GAS2: variants seen among roughly 807,000 people sequenced by gnomAD.
GAS2 encodes growth arrest specific 2.
GAS2 carries 20 observed loss-of-function variants against 37.5 expected under a neutral mutation model. The observed-to-expected ratio is 0.53, with a 90% confidence interval of 0.37 to 0.77. The LOEUF is 0.77. Among genes scored for constraint, GAS2 ranks in the 30% least tolerant of loss-of-function variants. GAS2 has a pLI of 0.00. For missense variants in GAS2, 336 were observed against 373.4 expected (o/e 0.90, Z 0.82); for synonymous variants, 144 against 132.2 (o/e 1.09, Z -0.61).
intron 7 of GAS2, among the ~76,000 whole-genome samples, chr11:22,775,272 C>T (rs1385719578): frequency 2.6e-5 from 4 of 152,174 alleles, no homozygotes; most frequent in African/African-American, 9.6e-5. Context: ...GACGAGCATT[C>T]CACCGTTTTG....
chr11:22,647,019 C>A (rs1021635870), intron 1 of GAS2, among the ~76,000 whole-genome samples: 29 of 151,088 alleles, frequency 1.9e-4, no homozygotes, highest in Non-Finnish European at 4.0e-4. Context: ...TGCACTGCAC[C>A]CACTAACTCG....
intron 1 of GAS2, among the ~76,000 whole-genome samples, chr11:22,660,781 A>G (rs1848907489): frequency 6.6e-6 from 1 of 152,226 alleles, no homozygotes; most frequent in Non-Finnish European, 1.5e-5. Context: ...ATCATAGCAG[A>G]ATGGCAATAT....
chr11:22,646,996 T>C (rs561982912), intron 1 of GAS2, among the ~76,000 whole-genome samples: 33 of 151,914 alleles, frequency 2.2e-4, no homozygotes, highest in Admixed American at 1.0e-3. Context: ...TATGTATACA[T>C]GTGCCATGCT....
upstream of GAS2, among the ~76,000 whole-genome samples, chr11:22,665,860 A>G (rs1394752655): frequency 1.3e-5 from 2 of 152,248 alleles, no homozygotes; most frequent in Non-Finnish European, 2.9e-5. Context: ...ACTCATCATT[A>G]TAAAAATGGT....
At chr11:22,780,521 GTC>G (rs1446202060) in intron 7 of GAS2, among the ~76,000 whole-genome samples, 1 of 133,072 alleles carries the variant, frequency 7.5e-6, no homozygotes, top group Admixed American at 8.7e-5. Flanking sequence ...ACCTACCACT[GTC>G]TCTCTTTCTG....
At chr11:22,784,469 C>T (rs79714431) in intron 7 of GAS2, among the ~76,000 whole-genome samples, 3,033 of 152,166 alleles carry the variant, frequency 0.02, 57 homozygotes, top group East Asian at 0.061. Context: ...TATTGGTTGG[C>T]AAGGCATGAA....
chr11:22,768,888 G>A (rs1485090217), intron 7 of GAS2, among the ~76,000 whole-genome samples: 1 of 152,114 alleles, frequency 6.6e-6, no homozygotes, highest in Admixed American at 6.5e-5. Context: ...TAGGCATAAG[G>A]TCTCTAAGAA....
chr11:22,649,749 G>T (rs1848749373), intron 1 of GAS2, among the ~76,000 whole-genome samples: 1 of 151,950 alleles, frequency 6.6e-6, no homozygotes, highest in Non-Finnish European at 1.5e-5. Flanking sequence ...TATTTCTGTG[G>T]GATCGGTGGT....
intron 3 of GAS2, among the ~76,000 whole-genome samples, chr11:22,697,042 G>A (rs1307426276): frequency 6.6e-6 from 1 of 151,866 alleles, no homozygotes; most frequent in Non-Finnish European, 1.5e-5. Context: ...GAATGGTAAT[G>A]CCTAGGTTTT....
chr11:22,683,352 G>A (rs1849787534), intron 2 of GAS2, among the ~76,000 whole-genome samples: 1 of 151,948 alleles, frequency 6.6e-6, no homozygotes, highest in Admixed American at 6.6e-5. Context: ...TGCAACCTCC[G>A]CCTCCCAGGT....
intron 6 of GAS2, among the ~76,000 whole-genome samples, chr11:22,754,932 C>G (rs1275204313): frequency 6.6e-6 from 1 of 152,116 alleles, no homozygotes; most frequent in Non-Finnish European, 1.5e-5. Context: ...TTACGGCTTT[C>G]TGTTTCTTCC....
At chr11:22,664,258 G>C (rs193274630), upstream of GAS2, among the ~76,000 whole-genome samples, 1 of 152,236 alleles carries the variant, frequency 6.6e-6, no homozygotes, top group East Asian at 1.9e-4. Context: ...TTTTCAGAGT[G>C]AGTACTACAT....
intron 7 of GAS2, among the ~76,000 whole-genome samples, chr11:22,765,487 T>TAC (rs142246480): frequency 0.029 from 4,340 of 152,208 alleles, 186 homozygotes; most frequent in African/African-American, 0.098. Context: ...TATAAAGAAA[T>TAC]ACCTGAGATT....
intron 7 of GAS2, among the ~76,000 whole-genome samples, chr11:22,757,641 T>C (rs934882871): frequency 2.0e-5 from 3 of 152,226 alleles, no homozygotes; most frequent in Non-Finnish European, 4.4e-5. Context: ...ATTTATTCTC[T>C]TGATTTTTAT....
chr11:22,784,461 T>A (rs562464489), intron 7 of GAS2, among the ~76,000 whole-genome samples: 1 of 152,270 alleles, frequency 6.6e-6, no homozygotes, highest in South Asian at 2.1e-4. Context: ...ACACATAGTA[T>A]TGGTTGGCAA....
intron 3 of GAS2, among the ~76,000 whole-genome samples, chr11:22,693,262 T>A (rs1051995756): frequency 1.3e-5 from 2 of 152,186 alleles, no homozygotes; most frequent in African/African-American, 2.4e-5. Flanking sequence ...AATTTTCTAC[T>A]TATAAGAATA....
intron 1 of GAS2, among the ~76,000 whole-genome samples, chr11:22,629,388 T>G (rs1488437845): frequency 6.6e-6 from 1 of 152,210 alleles, no homozygotes; most frequent in Non-Finnish European, 1.5e-5. Flanking sequence ...TAGTATCCTT[T>G]TCCATAGAGG....
intron 1 of GAS2, among the ~76,000 whole-genome samples, chr11:22,634,452 A>G (rs1193389794): frequency 6.6e-6 from 1 of 152,102 alleles, no homozygotes; most frequent in East Asian, 1.9e-4. Context: ...TAGAGGCACA[A>G]ACTTTCTCCA....
intron 7 of GAS2, among the ~76,000 whole-genome samples, chr11:22,762,421 G>A (rs1172326254): frequency 1.3e-5 from 2 of 152,182 alleles, no homozygotes; most frequent in South Asian, 2.1e-4. Flanking sequence ...TCTTAGAGAA[G>A]TTCTTAAGTA....
Sources: allele counts gnomAD v4.1 joint callset (sites outside exome capture counted in the v4.1 genomes callset), GRCh38; gene constraint gnomAD v4.1.1; transcripts MANE v1.5; gene names NCBI Gene and HGNC (gene_info 2026-07-23, HGNC 2026-07-21).